The following ANOS1 variants were observed in gnomAD, a reference collection of about 807,000 sequenced individuals.
ANOS1 encodes anosmin-1.
A neutral mutation model predicts 59.0 loss-of-function variants in ANOS1; 6 were observed. The ratio of observed to expected loss-of-function variants is 0.10; its 90% CI spans 0.06 to 0.20. The LOEUF is 0.20. Ranked by LOEUF, ANOS1 falls within the 10% of genes least tolerant of loss-of-function variation. The pLI is 1.00. For synonymous variants in ANOS1, 217 were observed against 223.4 expected (o/e 0.97, Z 0.25); for missense variants, 433 against 542.3 (o/e 0.80, Z 2.00).
chrX:8,657,472 T>TTTTTTTTTTTA (rs1931951661), intron 2 of ANOS1, among the ~76,000 whole-genome samples: 2 of 102,994 alleles, frequency 1.9e-5, no homozygotes, highest in African/African-American at 7.2e-5. Context: ...GCTTGCTTTT[T>TTTTTTTTTTTA]TTTTTTTTTT....
intron 1 of ANOS1, among the ~76,000 whole-genome samples, chrX:8,715,105 G>A (rs1469543116): frequency 8.9e-6 from 1 of 112,435 alleles, no homozygotes; most frequent in Admixed American, 9.4e-5. Flanking sequence ...TGTGTTCATT[G>A]CAGAATTAGA....
intron 2 of ANOS1, among the ~76,000 whole-genome samples, chrX:8,693,846 C>T (rs752166200): frequency 1.5e-3 from 156 of 106,683 alleles, no homozygotes; most frequent in Middle Eastern, 4.9e-3. Flanking sequence ...TTCGCAGCCT[C>T]CCAAGTAGCT....
chrX:8,660,705 T>C (rs780086875), intron 2 of ANOS1, among the ~76,000 whole-genome samples: 2 of 112,313 alleles, frequency 1.8e-5, no homozygotes, highest in East Asian at 5.6e-4. Context: ...CTCTGCTTCA[T>C]GCTTCCTATG....
At chrX:8,623,002 T>C (rs1428423606) in intron 3 of ANOS1, among the ~76,000 whole-genome samples, 1 of 108,016 alleles carries the variant, frequency 9.3e-6, no homozygotes. Context: ...GATAGCCGGA[T>C]GGATGGATAG....
intron 9 of ANOS1, among the ~76,000 whole-genome samples, chrX:8,548,521 G>A (rs1929806217): frequency 8.9e-6 from 1 of 111,959 alleles, no homozygotes; most frequent in Non-Finnish European, 1.9e-5. Context: ...TATATAGAGA[G>A]GGCATGAGTT....
chrX:8,620,686 A>G (rs1330137979), intron 3 of ANOS1, among the ~76,000 whole-genome samples: 4 of 112,268 alleles, frequency 3.6e-5, no homozygotes, highest in African/African-American at 9.7e-5. Flanking sequence ...AGGGACCTAA[A>G]AACAATCAAA....
At chrX:8,573,056 A>ATTTTT (rs34564264) in intron 6 of ANOS1, among the ~76,000 whole-genome samples, 1 of 81,178 alleles carries the variant, frequency 1.2e-5, no homozygotes, top group African/African-American at 5.1e-5. Flanking sequence ...ACTCTACTGG[A>ATTTTT]TTTTTTTTTT....
At chrX:8,693,239 C>A (rs142365594) in intron 2 of ANOS1, among the ~76,000 whole-genome samples, 1 of 111,926 alleles carries the variant, frequency 8.9e-6, no homozygotes, top group Admixed American at 9.5e-5. Flanking sequence ...GTTCCTGAAG[C>A]GCACAATGAA....
intron 1 of ANOS1, among the ~76,000 whole-genome samples, chrX:8,708,823 T>C (rs1201792116): frequency 1.8e-5 from 2 of 112,226 alleles, no homozygotes; most frequent in Admixed American, 1.9e-4. Flanking sequence ...CATATGTTTA[T>C]TGTGGCACTA....
intron 2 of ANOS1, among the ~76,000 whole-genome samples, chrX:8,660,189 G>A (rs1422567821): frequency 9.0e-6 from 1 of 111,248 alleles, no homozygotes; most frequent in Non-Finnish European, 1.9e-5. Context: ...CAGCTCTCTG[G>A]GCAACGCTGT....
At chrX:8,704,129 T>C (rs777268223) in intron 1 of ANOS1, among the ~76,000 whole-genome samples, 1 of 111,728 alleles carries the variant, frequency 9.0e-6, no homozygotes, top group Non-Finnish European at 1.9e-5. Flanking sequence ...ATTTAAGACA[T>C]GGCTTTGCTC....
rs1288673028 is a variant in ANOS1 at position 8,676,485 on chromosome X, G to A, written c.255+23213C>T. 2.7e-5 allele frequency among the ~76,000 whole-genome samples: 3 copies of A among 111,507 alleles called. No individual in the cohort carries two copies. The Admixed American group carries it at 2.9e-4, about 11-fold the overall frequency. On this transcript the variant is annotated intron_variant, in intron 2 of 13. Transcript: ENST00000262648. ...AAAAGGGCACATCATCTGTCAATAA[G>A]TCCTGTTGAAGTGTGAGGGGAAGGG... is the stretch of plus-strand genomic sequence containing the variant.
chrX:8,591,270 G>A (rs1264077394), intron 4 of ANOS1, among the ~76,000 whole-genome samples: 2 of 111,428 alleles, frequency 1.8e-5, no homozygotes, highest in African/African-American at 6.5e-5. Flanking sequence ...ATAAGGCGAG[G>A]GAGAGTAGCC....
At chrX:8,713,593 C>A (rs1275832303) in intron 1 of ANOS1, among the ~76,000 whole-genome samples, 2 of 110,267 alleles carry the variant, frequency 1.8e-5, no homozygotes, top group Non-Finnish European at 3.8e-5. Flanking sequence ...CAAATGTCTC[C>A]TTTCTTTCTT....
intron 6 of ANOS1, among the ~76,000 whole-genome samples, chrX:8,576,892 G>C (rs981039834): frequency 8.9e-6 from 1 of 111,830 alleles, no homozygotes; most frequent in Non-Finnish European, 1.9e-5. Context: ...ATAGGCTAGT[G>C]CAGGCATTGA....
intron 1 of ANOS1, among the ~76,000 whole-genome samples, chrX:8,720,452 G>A (rs768037585): frequency 1.7e-3 from 185 of 112,030 alleles, no homozygotes; most frequent in African/African-American, 5.7e-3. Context: ...AACAAAAAAA[G>A]ACATTCTTCA....
intron 3 of ANOS1, among the ~76,000 whole-genome samples, chrX:8,616,039 G>C (rs1931168861): frequency 1.2e-5 from 1 of 86,516 alleles, no homozygotes; most frequent in Admixed American, 1.3e-4. Context: ...TTGCGCCCCT[G>C]ATCACTTTTT....
chrX:8,710,233 T>C (rs1355731798), intron 1 of ANOS1, among the ~76,000 whole-genome samples: 1 of 112,017 alleles, frequency 8.9e-6, no homozygotes, highest in African/African-American at 3.2e-5. Flanking sequence ...CCCGGCCGTG[T>C]TATCTTATAA....
intron 2 of ANOS1, among the ~76,000 whole-genome samples, chrX:8,637,911 G>A (rs1396423099): frequency 8.9e-6 from 1 of 112,373 alleles, no homozygotes; most frequent in East Asian, 2.8e-4. Context: ...CACTATTTCT[G>A]TGGTTTAGAA....
Sources: allele counts gnomAD v4.1 joint callset (sites outside exome capture counted in the v4.1 genomes callset), GRCh38; gene constraint gnomAD v4.1.1; transcripts MANE v1.5; gene names NCBI Gene and HGNC (gene_info 2026-07-23, HGNC 2026-07-21).